The following CDKAL1 variants were observed in gnomAD, a reference collection of about 807,000 sequenced individuals.
CDKAL1 encodes the protein threonylcarbamoyladenosine tRNA methylthiotransferase.
A neutral mutation model predicts 68.2 loss-of-function variants in CDKAL1; 32 were observed. That is an observed-to-expected ratio of 0.47 (90% CI 0.35 to 0.63). The LOEUF (loss-of-function observed/expected upper bound fraction) is 0.63. Ranked by LOEUF, CDKAL1 falls within the 30% of genes least tolerant of loss-of-function variation. The pLI is 0.00. For missense variants in CDKAL1, 606 were observed against 696.7 expected, an observed-to-expected ratio of 0.87 and a Z score of 1.47; for synonymous variants, 234 against 244.3, an observed-to-expected ratio of 0.96 and a Z score of 0.39.
chr6:21,162,643 T>C (rs1308646741), intron 13 of CDKAL1, among the ~76,000 whole-genome samples: 1 of 152,212 alleles, frequency 6.6e-6, no homozygotes, highest in Admixed American at 6.5e-5. Context: ...AAGTCTGGCC[T>C]GCTGGGCACA....
At chr6:20,966,078 G>A (rs1765296139) in intron 10 of CDKAL1, among the ~76,000 whole-genome samples, 1 of 151,310 alleles carries the variant, frequency 6.6e-6, no homozygotes, top group African/African-American at 2.5e-5. Flanking sequence ...GAATTTTCAG[G>A]TGATTCATGA....
intron 8 of CDKAL1, among the ~76,000 whole-genome samples, chr6:20,836,038 G>A (rs536694881): frequency 6.6e-6 from 1 of 152,078 alleles, no homozygotes; most frequent in African/African-American, 2.4e-5. Flanking sequence ...GGGACCCATG[G>A]GTTTCTGCTC....
intron 13 of CDKAL1, among the ~76,000 whole-genome samples, chr6:21,172,856 T>G (rs1000289604): frequency 2.6e-5 from 4 of 152,226 alleles, no homozygotes; most frequent in African/African-American, 9.6e-5. Context: ...ATTGGTTTCC[T>G]TTGTTAAAAA....
intron 13 of CDKAL1, among the ~76,000 whole-genome samples, chr6:21,189,074 G>A (rs1778133942): frequency 6.6e-6 from 1 of 152,196 alleles, no homozygotes. Flanking sequence ...CCCCAGCTGG[G>A]AAGAGACTAC....
At chr6:21,213,780 C>T (rs1292319383) in intron 15 of CDKAL1, among the ~76,000 whole-genome samples, 1 of 152,184 alleles carries the variant, frequency 6.6e-6, no homozygotes, top group East Asian at 1.9e-4. Context: ...GATTGTGTCT[C>T]TCTCCTCCTC....
At chr6:21,113,567 A>G (rs1476922470) in intron 13 of CDKAL1, among the ~76,000 whole-genome samples, 1 of 151,792 alleles carries the variant, frequency 6.6e-6, no homozygotes, top group Non-Finnish European at 1.5e-5. Context: ...CAGTGGCTTG[A>G]TCTCAGCTCA....
chr6:20,728,758 C>T (rs1018485328), intron 5 of CDKAL1, among the ~76,000 whole-genome samples: 1 of 152,176 alleles, frequency 6.6e-6, no homozygotes, highest in African/African-American at 2.4e-5. Flanking sequence ...CTGAGGCAGT[C>T]ACCTTACCAA....
At chr6:20,618,916 C>G (rs991298588) in intron 4 of CDKAL1, among the ~76,000 whole-genome samples, 2 of 152,096 alleles carry the variant, frequency 1.3e-5, no homozygotes, top group Admixed American at 6.5e-5. Context: ...TGAGCTCAAG[C>G]AGTCCACCCT....
chr6:20,819,155 A>G (rs1327198035), intron 8 of CDKAL1, among the ~76,000 whole-genome samples: 1 of 152,154 alleles, frequency 6.6e-6, no homozygotes, highest in East Asian at 1.9e-4. Flanking sequence ...ACACAATTGC[A>G]AAACTTTGAT....
At chr6:20,715,139 A>T (rs1772030589) in intron 5 of CDKAL1, among the ~76,000 whole-genome samples, 1 of 152,198 alleles carries the variant, frequency 6.6e-6, no homozygotes, top group Non-Finnish European at 1.5e-5. Flanking sequence ...TATGTTATAC[A>T]TTGCATCTTT....
At chr6:20,617,752 AT>A (rs1471558311) in intron 4 of CDKAL1, among the ~76,000 whole-genome samples, 1 of 152,026 alleles carries the variant, frequency 6.6e-6, no homozygotes, top group African/African-American at 2.4e-5. Flanking sequence ...TGAGCTCATC[AT>A]TTTTTATGGC....
chr6:20,890,535 T>C (rs560780470), intron 9 of CDKAL1, among the ~76,000 whole-genome samples: 37 of 152,350 alleles, frequency 2.4e-4, no homozygotes, highest in Middle Eastern at 3.4e-3. Context: ...GCTATTGTAA[T>C]TTTATACAAT....
At chr6:20,665,318 G>A (rs7748382) in intron 5 of CDKAL1, among the ~76,000 whole-genome samples, 61,777 of 151,928 alleles carry the variant, frequency 0.41, 13,927 homozygotes, top group African/African-American at 0.61. Flanking sequence ...CTCTGAATGT[G>A]ATTAATATAA....
chr6:20,813,168 A>C (rs775885462), intron 8 of CDKAL1, among the ~76,000 whole-genome samples: 4 of 151,958 alleles, frequency 2.6e-5, no homozygotes, highest in East Asian at 1.9e-4. Flanking sequence ...CTTGGTCTCA[A>C]ACTGTTGGCC....
chr6:21,121,649 C>G (rs1292830828), intron 13 of CDKAL1, among the ~76,000 whole-genome samples: 3 of 152,122 alleles, frequency 2.0e-5, no homozygotes, highest in African/African-American at 7.2e-5. Flanking sequence ...GTTATAGTTT[C>G]TAGAATGTCA....
chr6:20,631,668 A>T lies in CDKAL1; in HGVS notation c.287-17625A>T, dbSNP rs1271449662. ...AGAACCTCAGCTTGCCAGGTCCCAGACTGGTCCTCTGCTGAATAATTGGAT... is the reference window on the plus strand; with the variant it reads ...AGAACCTCAGCTTGCCAGGTCCCAGTCTGGTCCTCTGCTGAATAATTGGAT... On this transcript the variant is annotated intron_variant, in intron 4 of 15. Coordinates refer to ENST00000274695, the MANE Select transcript of CDKAL1 (RefSeq NM_017774.3). Among the ~76,000 whole-genome samples the T allele has an allele frequency of 2.6e-5, 4 of 152,172 alleles. No homozygotes were observed. In the East Asian group the frequency reaches 7.7e-4, roughly 29 times the overall value.
At chr6:20,948,010 CT>C (rs541978769) in intron 9 of CDKAL1, among the ~76,000 whole-genome samples, 2,388 of 115,134 alleles carry the variant, frequency 0.021, 26 homozygotes, top group African/African-American at 0.029. Flanking sequence ...GTGAAGGTCA[CT>C]TTTTTTTTTT....
At chr6:20,559,409 T>C (rs1764183694) in intron 4 of CDKAL1, 1 of 152,176 alleles carries the variant, frequency 6.6e-6, no homozygotes, top group Non-Finnish European at 1.5e-5. Context: ...AGTTAGTAAC[T>C]CTCATGGCAA....
At chr6:20,764,660 T>C (rs1774615596) in intron 7 of CDKAL1, among the ~76,000 whole-genome samples, 1 of 152,190 alleles carries the variant, frequency 6.6e-6, no homozygotes, top group Non-Finnish European at 1.5e-5. Context: ...AATAACCACC[T>C]TACAGAGCTC....
Sources: allele counts gnomAD v4.1 joint callset (sites outside exome capture counted in the v4.1 genomes callset), GRCh38; gene constraint gnomAD v4.1.1; transcripts MANE v1.5; gene names NCBI Gene and HGNC (gene_info 2026-07-23, HGNC 2026-07-21).